Variants in ADAMTS18 observed in about 807,000 individuals in gnomAD.
ADAMTS18 encodes ADAM metallopeptidase with thrombospondin type 1 motif 18.
ADAMTS18 carries 157 observed loss-of-function variants against 165.9 expected under a neutral mutation model. The ratio of observed to expected loss-of-function variants is 0.95; its 90% CI spans 0.83 to 1.08. The LOEUF (loss-of-function observed/expected upper bound fraction) is 1.08, where lower values mean the gene tolerates loss of function less well. Among genes scored for constraint, ADAMTS18 ranks in the 50% least tolerant of loss-of-function variants. ADAMTS18 has a pLI of 0.00. For synonymous variants in ADAMTS18, 782 were observed against 578.2 expected (o/e 1.35, Z -5.06); for missense variants, 2,040 against 1,534.0 (o/e 1.33, Z -5.51).
intron 3 of ADAMTS18, among the ~76,000 whole-genome samples, chr16:77,388,439 C>G (rs1410421995): frequency 1.3e-5 from 2 of 152,110 alleles, no homozygotes; most frequent in Non-Finnish European, 2.9e-5. Context: ...AAACACTTCT[C>G]TTTAAGTCAT....
chr16:77,349,701 C>T (rs979372451), intron 10 of ADAMTS18, among the ~76,000 whole-genome samples: 1 of 152,126 alleles, frequency 6.6e-6, no homozygotes, highest in African/African-American at 2.4e-5. Flanking sequence ...ACCTGTCTCC[C>T]GGGTGCATCC....
At chr16:77,372,648 T>C (rs993681374) in intron 3 of ADAMTS18, among the ~76,000 whole-genome samples, 1 of 152,202 alleles carries the variant, frequency 6.6e-6, no homozygotes, top group Non-Finnish European at 1.5e-5. Context: ...ATGAAGATTA[T>C]GGGACAAGAG....
intron 12 of ADAMTS18, among the ~76,000 whole-genome samples, chr16:77,334,731 A>ACTATAGTATATATACTGTATG (rs2056267763): frequency 9.6e-6 from 1 of 104,514 alleles, no homozygotes; most frequent in African/African-American, 3.4e-5. Flanking sequence ...ACTACTATAT[A>ACTATAGTATATATACTGTATG]CTATAGTATA....
At chr16:77,319,348 C>G (rs1567478106) in intron 16 of ADAMTS18, among the ~76,000 whole-genome samples, 1 of 152,330 alleles carries the variant, frequency 6.6e-6, no homozygotes, top group East Asian at 1.9e-4. Context: ...AACCCATTCT[C>G]TTGGAGGCCA....
chr16:77,362,250 G>T lies in ADAMTS18; in HGVS notation c.1071C>A (p.Ile357=), dbSNP rs762909628. ...TCAGAGACTGGTCTGCATGATGGTT[G>T]ATCAATAATCCTCCCTATGGGAAAC... ...LLEQEPGGLL[I]NHHADQSLNS... is the part of the protein sequence containing the mutation. The change falls in exon 7 of 23, where the codon ATC becomes ATA. Residue 357 remains isoleucine (I), a synonymous_variant. Coordinates refer to ENST00000282849, the MANE Select transcript of ADAMTS18 (RefSeq NM_199355.4). 3 of 1,614,128 alleles carry T rather than the reference G, an allele frequency of 1.9e-6. No individual in the cohort carries two copies. In the Admixed American group the frequency reaches 5.0e-5, roughly 27 times the overall value.
rs541636952 is a variant in ADAMTS18 at position 77,429,696 on chromosome 16, ATT to A, written c.495+1597_495+1598del. ...TTAATCTATTACTATGAGATTATTA[ATT>A]TGAGACAATTGATAAGATTTCCCAT... On this transcript the variant is annotated intron_variant, in intron 3 of 22. Coordinates refer to ENST00000282849, the MANE Select transcript of ADAMTS18 (RefSeq NM_199355.4). Among the ~76,000 whole-genome samples, 253 of 152,302 alleles carry A rather than the reference ATT, an allele frequency of 1.7e-3. 2 individuals carry two copies. Among genetic ancestry groups the A allele is most frequent in the African/African-American group, 5.4e-3 (226 of 41,552 alleles).
chr16:77,308,142 CTCT>C lies in ADAMTS18; in HGVS notation c.2533-7741_2533-7739del, dbSNP rs561594155. Among the ~76,000 whole-genome samples the C allele has an allele frequency of 4.0e-3, 606 of 152,212 alleles. 5 individuals carry two copies. The highest frequency in any genetic ancestry group is 5.0e-3 in the South Asian group (24 of 4,818). On this transcript the variant is annotated intron_variant, in intron 16 of 22. Transcript: ENST00000282849. ...ATGGGCTTTCAAAGAGTTAAACGCC[CTCT>C]TCTTCTGCTAAACATAGAGAAAAAA...
intron 3 of ADAMTS18, 107 bp from the exon 4 acceptor site, chr16:77,367,830 G>T: frequency 2.3e-6 from 3 of 1,290,626 alleles, no homozygotes; most frequent in Non-Finnish European, 3.4e-6. Context: ...GGGCACAGGA[G>T]CTAAAAGCTT....
chr16:77,355,604 C>T (rs1344988733), intron 9 of ADAMTS18, among the ~76,000 whole-genome samples: 4 of 152,120 alleles, frequency 2.6e-5, no homozygotes, highest in Non-Finnish European at 2.9e-5. Context: ...CAGAACAGAT[C>T]TAAGTGTGAG....
chr16:77,423,833 T>C (rs2057635782), intron 3 of ADAMTS18, among the ~76,000 whole-genome samples: 1 of 152,114 alleles, frequency 6.6e-6, no homozygotes, highest in Admixed American at 6.5e-5. Flanking sequence ...TATCAAAGTG[T>C]TCATTTCCTG....
intron 3 of ADAMTS18, among the ~76,000 whole-genome samples, chr16:77,416,517 T>G (rs893184052): frequency 7.9e-5 from 12 of 152,108 alleles, no homozygotes; most frequent in Non-Finnish European, 1.6e-4. Context: ...TCTGATGGTT[T>G]TATAAATGGG....
intron 10 of ADAMTS18, among the ~76,000 whole-genome samples, chr16:77,351,621 A>T (rs1428837): frequency 0.053 from 8,114 of 152,328 alleles, 489 homozygotes; most frequent in African/African-American, 0.15. Flanking sequence ...ATCCTTTAGA[A>T]TGAAGTGAAC....
At chr16:77,359,549 GAAAAA>G (rs3067843) in intron 7 of ADAMTS18, 126 bp from the exon 8 acceptor site, 23 of 301,712 alleles carry the variant, frequency 7.6e-5, no homozygotes, top group East Asian at 1.7e-4. Flanking sequence ...AGTGTTTTTG[GAAAAA>G]AAAAAAAAAA....
chr16:77,344,810 C>T (rs140578900), intron 10 of ADAMTS18, among the ~76,000 whole-genome samples: 70 of 152,056 alleles, frequency 4.6e-4, no homozygotes, highest in African/African-American at 1.5e-3. Context: ...ATTTCTTCTG[C>T]GGTGGAGTAC....
chr16:77,300,300 A>G lies in ADAMTS18; in HGVS notation c.2637T>C (p.Ser879=). ...AGACGGAGCACTCTGACTGCACGATACTCCAGGTATAGGCAGGTCTTTTTG... is the reference window on the plus strand; with the variant it reads ...AGACGGAGCACTCTGACTGCACGATGCTCCAGGTATAGGCAGGTCTTTTTG... ...PATKRPAYTW[S]IVQSECSVSC... The change falls in exon 17 of 23, where the codon AGT becomes AGC. Residue 879 remains serine, a synonymous_variant. Transcript: ENST00000282849. 6.2e-7 allele frequency: 1 copy of G among 1,614,000 alleles called. No homozygotes were observed.
rs1490198754 is a variant in ADAMTS18 at position 77,318,355 on chromosome 16, A to C, written c.2532+1494T>G. On this transcript the variant is annotated intron_variant, in intron 16 of 22. Coordinates refer to ENST00000282849, the MANE Select transcript of ADAMTS18 (RefSeq NM_199355.4). ...TAATGACAAGTAGCTGAGCCTTGCC[A>C]GTATTGGTGCTATATTAAGATAATG... Among the ~76,000 whole-genome samples the C allele has an allele frequency of 2.6e-5, 4 of 152,204 alleles. No homozygotes were observed. The East Asian group carries it at 7.7e-4, about 29-fold the overall frequency.
At chr16:77,385,182 T>G (rs1218363745) in intron 3 of ADAMTS18, among the ~76,000 whole-genome samples, 1 of 152,178 alleles carries the variant, frequency 6.6e-6, no homozygotes, top group Non-Finnish European at 1.5e-5. Context: ...GTGTTGGGAT[T>G]ACAGGAGTGA....
chr16:77,428,859 A>G (rs902143058), intron 3 of ADAMTS18, among the ~76,000 whole-genome samples: 2 of 152,188 alleles, frequency 1.3e-5, no homozygotes, highest in African/African-American at 4.8e-5. Flanking sequence ...TCAGATAAGG[A>G]ATAACTCAAT....
chr16:77,283,895 G>T lies in ADAMTS18; in HGVS notation c.*61C>A. 2.3e-6 allele frequency: 3 copies of T among 1,303,544 alleles called. No individual in the cohort carries two copies. Among genetic ancestry groups the T allele is most frequent in the Non-Finnish European group, 3.3e-6 (3 of 899,028 alleles). 80.7% of individuals were successfully genotyped at this position (1,303,544 alleles called of 1,614,324 possible). A position where few individuals can be genotyped will look rare whatever the true frequency, so the allele number is the denominator to read the frequency against. ...TCAGCTCCTGGTCTCAAAGGCAGCT[G>T]GTCTCTCTAGAGGTTGAAAGGTAAG... On this transcript the variant is annotated 3_prime_UTR_variant, in exon 23 of 23. Coordinates refer to ENST00000282849, the MANE Select transcript of ADAMTS18 (RefSeq NM_199355.4).
Sources: allele counts gnomAD v4.1 joint callset (sites outside exome capture counted in the v4.1 genomes callset), GRCh38; gene constraint gnomAD v4.1.1; transcripts MANE v1.5; gene names NCBI Gene and HGNC (gene_info 2026-07-23, HGNC 2026-07-21).